Variants in ZFHX3 observed in about 807,000 individuals in gnomAD.
ZFHX3 encodes the protein zinc finger homeobox protein 3.
A neutral mutation model predicts 279.1 loss-of-function variants in ZFHX3; 42 were observed. That is an observed-to-expected ratio of 0.15 (90% CI 0.12 to 0.19). The LOEUF (loss-of-function observed/expected upper bound fraction) is 0.19. Among genes scored for constraint, ZFHX3 ranks in the 10% least tolerant of loss-of-function variants. The pLI is 1.00. For synonymous variants in ZFHX3, 2,293 were observed against 1,957.8 expected (o/e 1.17, Z -4.52); for missense variants, 4,981 against 4,754.0 (o/e 1.05, Z -1.40).
chr16:73,465,074 T>C (rs1237133313), intron 2 of ZFHX3, among the ~76,000 whole-genome samples: 2 of 152,312 alleles, frequency 1.3e-5, no homozygotes, highest in South Asian at 2.1e-4. Context: ...CCAGCTGCTC[T>C]TGCTCATCTG....
chr16:73,213,069 C>T (rs2012076465), intron 5 of ZFHX3, among the ~76,000 whole-genome samples: 1 of 152,268 alleles, frequency 6.6e-6, no homozygotes, highest in Admixed American at 6.5e-5. Context: ...CAGAATGTGA[C>T]CTTTGTCCCT....
chr16:73,804,871 CCACA>C (rs1204365922), intron 1 of ZFHX3, among the ~76,000 whole-genome samples: 2 of 136,096 alleles, frequency 1.5e-5, no homozygotes, highest in Non-Finnish European at 3.1e-5. Context: ...ACTTAACACA[CCACA>C]CACACACACC....
chr16:73,734,941 C>G (rs887937941), intron 1 of ZFHX3, among the ~76,000 whole-genome samples: 3 of 151,976 alleles, frequency 2.0e-5, no homozygotes, highest in African/African-American at 7.3e-5. Flanking sequence ...ATTTTATTTT[C>G]CAGGAGGAAT....
At chr16:73,337,052 G>C (rs1713743261) in intron 3 of ZFHX3, among the ~76,000 whole-genome samples, 1 of 152,050 alleles carries the variant, frequency 6.6e-6, no homozygotes, top group African/African-American at 2.4e-5. Context: ...CCAAAAGTGA[G>C]GCATAATTTA....
intron 4 of ZFHX3, among the ~76,000 whole-genome samples, chr16:72,839,115 T>C (rs2037277485): frequency 6.6e-6 from 1 of 152,138 alleles, no homozygotes; most frequent in African/African-American, 2.4e-5. Context: ...AAAAGGCAAA[T>C]TCCCCGAGCA....
intron 1 of ZFHX3, among the ~76,000 whole-genome samples, chr16:73,842,149 G>A (rs1208503277): frequency 6.6e-6 from 1 of 151,974 alleles, no homozygotes; most frequent in Non-Finnish European, 1.5e-5. Context: ...CTGGGAGGTG[G>A]AGGTTGCAGT....
At chr16:72,801,967 G>T (rs1174304655) in intron 7 of ZFHX3, among the ~76,000 whole-genome samples, 1 of 151,914 alleles carries the variant, frequency 6.6e-6, no homozygotes, top group Admixed American at 6.6e-5. Context: ...GTAGCTGCAA[G>T]ATCAGTCCTT....
intron 3 of ZFHX3, among the ~76,000 whole-genome samples, chr16:73,407,377 T>C (rs2017381874): frequency 6.6e-6 from 1 of 152,228 alleles, no homozygotes; most frequent in Admixed American, 6.5e-5. Flanking sequence ...TTCCACTGAA[T>C]GGTGGTTCAC....
At chr16:73,049,627 GAA>G (rs1254087879), upstream of ZFHX3, among the ~76,000 whole-genome samples, 1 of 152,174 alleles carries the variant, frequency 6.6e-6, no homozygotes, top group African/African-American at 2.4e-5. Context: ...GGCCCTGGGA[GAA>G]AAGACTGCCT....
At chr16:73,853,479 C>T (rs923399678) in intron 1 of ZFHX3, among the ~76,000 whole-genome samples, 2 of 140,284 alleles carry the variant, frequency 1.4e-5, no homozygotes, top group Non-Finnish European at 2.9e-5. Flanking sequence ...ATACACACAC[C>T]ATGGAATACT....
At chr16:72,911,765 C>G (rs1275804418) in intron 3 of ZFHX3, among the ~76,000 whole-genome samples, 3 of 152,224 alleles carry the variant, frequency 2.0e-5, no homozygotes, top group Admixed American at 6.5e-5. Flanking sequence ...CTGGACAGCA[C>G]AGATCACAGA....
At chr16:73,050,728 A>T (rs1813840058), upstream of ZFHX3, among the ~76,000 whole-genome samples, 1 of 152,130 alleles carries the variant, frequency 6.6e-6, no homozygotes, top group Non-Finnish European at 1.5e-5. Context: ...TGACAGCCTG[A>T]CATTCTCATC....
rs577132509 is a variant in ZFHX3 at position 73,585,401 on chromosome 16, C to A, written c.-1547+94779G>T. Among the ~76,000 whole-genome samples, 131 of 152,098 alleles carry A rather than the reference C, an allele frequency of 8.6e-4. 1 individual carries two copies. Among genetic ancestry groups the A allele is most frequent in the Non-Finnish European group, 1.3e-3 (89 of 68,034 alleles). On this transcript the variant is annotated intron_variant, in intron 2 of 17. Transcript: ENST00000641206. Reference sequence around the variant, plus strand: ...ACTGCCCTCTGGCCTGCCAACAGAGCGAGACACCATCTCAAAAAACAAACA... The same window carrying A: ...ACTGCCCTCTGGCCTGCCAACAGAGAGAGACACCATCTCAAAAAACAAACA...
rs563356250 is a variant in ZFHX3, at chr16:73,801,015, G to A, written c.-1608+90636C>T. Among the ~76,000 whole-genome samples the A allele has an allele frequency of 5.3e-5, 8 of 152,210 alleles. No homozygotes were observed. In the South Asian group the frequency reaches 8.3e-4, roughly 16 times the overall value. On this transcript the variant is annotated intron_variant, in intron 1 of 17. Transcript: ENST00000641206. ...AGAGTGCAATAACTATAACCTCCCC[G>A]TAATGAGCAAAACCAACAGCATTGA...
At chr16:73,694,466 C>A (rs2053177058) in intron 1 of ZFHX3, among the ~76,000 whole-genome samples, 1 of 152,078 alleles carries the variant, frequency 6.6e-6, no homozygotes, top group Admixed American at 6.5e-5. Flanking sequence ...GCCTCACCCT[C>A]CTGAGTAGCT....
At chr16:73,039,132 A>G (rs894006419) in intron 1 of ZFHX3, among the ~76,000 whole-genome samples, 2 of 151,734 alleles carry the variant, frequency 1.3e-5, no homozygotes, top group African/African-American at 4.8e-5. Context: ...AAAAAAAAAA[A>G]AAGTTTGTAG....
chr16:73,112,785 T>TGAAGGGC (rs1434741040), intron 7 of ZFHX3, among the ~76,000 whole-genome samples: 1 of 143,474 alleles, frequency 7.0e-6, no homozygotes, highest in Non-Finnish European at 1.5e-5. Context: ...GGAAGGTTAG[T>TGAAGGGC]GAAGGGCGGA....
intron 7 of ZFHX3, among the ~76,000 whole-genome samples, chr16:73,107,802 C>A (rs1305121071): frequency 6.6e-6 from 1 of 152,022 alleles, no homozygotes; most frequent in Non-Finnish European, 1.5e-5. Flanking sequence ...GGTCGCTGAG[C>A]CTAGGAGTTT....
At chr16:73,795,471 G>C (rs1330171429) in intron 1 of ZFHX3, among the ~76,000 whole-genome samples, 1 of 152,142 alleles carries the variant, frequency 6.6e-6, no homozygotes, top group Non-Finnish European at 1.5e-5. Context: ...TGCAGGCTTG[G>C]CTGATGAGAG....
Sources: gnomAD v4.1 joint callset for allele counts (sites outside exome capture counted in the v4.1 genomes callset) on GRCh38, gnomAD v4.1.1 for gene constraint, MANE v1.5 for transcripts, NCBI Gene and HGNC (gene_info 2026-07-23, HGNC 2026-07-21) for gene names.